The following CELSR1 variants were observed in gnomAD, a reference collection of about 807,000 sequenced individuals.
CELSR1 encodes the protein cadherin EGF LAG seven-pass G-type receptor 1, also known as adhesion G protein-coupled receptor C1.
CELSR1 carries 110 observed loss-of-function variants against 249.1 expected under a neutral mutation model. That is an observed-to-expected ratio of 0.44 (90% CI 0.38 to 0.52). The LOEUF (loss-of-function observed/expected upper bound fraction) is 0.52. Ranked by LOEUF, CELSR1 falls within the 20% of genes least tolerant of loss-of-function variation. The probability of loss-of-function intolerance (pLI) is 0.00; values close to 1 mark genes in which losing one functional copy is unlikely to be tolerated. For missense variants in CELSR1, 4,109 were observed against 4,296.4 expected, an observed-to-expected ratio of 0.96 and a Z score of 1.22; for synonymous variants, 2,113 against 1,900.0, an observed-to-expected ratio of 1.11 and a Z score of -2.92.
chr22:46,456,743 C>T lies in CELSR1; in HGVS notation c.4183+6964G>A, dbSNP rs375531875. On this transcript the variant is annotated intron_variant, in intron 2 of 34. Transcript: ENST00000674500. ...TGACGTACACATTTTACAACAGAAT[C>T]GCAGAAGGGCTAGAATTTATTTTTA... is the stretch of plus-strand genomic sequence containing the variant. 1.2e-3 allele frequency among the ~76,000 whole-genome samples: 176 copies of T among 150,464 alleles called. 1 individual carries two copies. The highest frequency in any genetic ancestry group is 3.7e-3 in the African/African-American group (153 of 40,928).
rs772494529 is a variant in CELSR1 at position 46,521,484 on chromosome 22, G to A, written c.3544+12143C>T. ...CGCGCCACTGCACTCCAGCCTGGGC[G>A]ACAGAGCAAGACTCCATCTCAAAAA... On this transcript the variant is annotated intron_variant, in intron 1 of 34. Coordinates refer to ENST00000674500, the MANE Select transcript of CELSR1 (RefSeq NM_001378328.1). Among the ~76,000 whole-genome samples, 947 of 142,706 alleles carry A rather than the reference G, an allele frequency of 6.6e-3. 6 individuals carry two copies. The highest frequency in any genetic ancestry group is 0.012 in the Non-Finnish European group (771 of 65,332). The allele number at this position is 142,706 out of a possible 152,430, so 93.6% of individuals were successfully genotyped here. A position where few individuals can be genotyped will look rare whatever the true frequency, so the allele number is the denominator to read the frequency against.
Position 46,364,099 on chromosome 22 carries a change from T to C in CELSR1, c.8932A>G (p.Ile2978Val). The C allele has an allele frequency of 9.9e-6, 16 of 1,612,284 alleles. No homozygotes were observed. The highest frequency in any genetic ancestry group is 1.4e-5 in the Non-Finnish European group (16 of 1,179,654). Residue 2978 changes from isoleucine (I) to valine (V), a missense_variant, in exon 34 of 35, where the codon ATC becomes GTC. Around this residue, in one of 7 missense-constraint regions of CELSR1, gnomAD observed 1,805 missense variants for 1,831.6 expected, o/e 0.99. Transcript: ENST00000674500. ...TCCCTCCCAGGGCTCTTGACTGTGATGGCGCAGTCGGGGCCGCCAGAGCCC... is the reference window on the plus strand; with the variant it reads ...TCCCTCCCAGGGCTCTTGACTGTGACGGCGCAGTCGGGGCCGCCAGAGCCC... ...SLGSGGPDCAITVKSPGREPG... is the reference protein window; with the variant it reads ...SLGSGGPDCAVTVKSPGREPG...
Position 46,364,171 on chromosome 22 carries a change from G to C in CELSR1, c.8860C>G (p.Leu2954Val), listed in dbSNP as rs1343162483. 2.5e-6 allele frequency: 4 copies of C among 1,612,234 alleles called. No individual in the cohort carries two copies. The highest frequency in any genetic ancestry group is 1.7e-5 in the Admixed American group (1 of 59,990). ...QTLKGRLREK[L>V]ADCEQSPTSS... ...GTGGGGCTCTGCTCACAGTCGGCCA[G>C]CTTCTCCCGGAGCCGGCCCTTCAGC... is the stretch of plus-strand genomic sequence containing the variant. Residue 2954 changes from leucine (L) to valine (V), a missense_variant, in exon 34 of 35, where the codon CTG (leucine) becomes GTG (valine). Around this residue, in one of 7 missense-constraint regions of CELSR1, gnomAD observed 1,805 missense variants for 1,831.6 expected, o/e 0.99. Coordinates refer to ENST00000674500, the MANE Select transcript of CELSR1 (RefSeq NM_001378328.1).
intron 1 of CELSR1, among the ~76,000 whole-genome samples, chr22:46,483,279 C>T (rs1431159947): frequency 6.6e-6 from 1 of 151,268 alleles, no homozygotes; most frequent in Non-Finnish European, 1.5e-5. Context: ...AATGATGAGA[C>T]ATTAATTAAC....
Position 46,369,643 on chromosome 22 carries a change from C to T in CELSR1, c.7872+49G>A, listed in dbSNP as rs2078828507. On this transcript the variant is annotated intron_variant, in intron 26 of 34. Coordinates refer to ENST00000674500, the MANE Select transcript of CELSR1 (RefSeq NM_001378328.1). The stretch of plus-strand genomic sequence containing the variant: ...AGCCAACCCAGAACAGCCCTTCCAG[C>T]TCATGCATGTTTGGGGCACCCGGAC... 2.6e-6 allele frequency: 4 copies of T among 1,551,708 alleles called. No homozygotes were observed. The Admixed American group carries it at 5.1e-5, about 20-fold the overall frequency.
chr22:46,375,201 G>C (rs187945226), intron 24 of CELSR1, among the ~76,000 whole-genome samples: 2 of 152,270 alleles, frequency 1.3e-5, no homozygotes, highest in Non-Finnish European at 2.9e-5. Context: ...TCCCTTCCCA[G>C]GGCCGGTCCA....
intron 2 of CELSR1, among the ~76,000 whole-genome samples, chr22:46,456,541 T>C (rs554202481): frequency 1.3e-5 from 2 of 151,644 alleles, no homozygotes; most frequent in East Asian, 3.9e-4. Flanking sequence ...TGGGCACCTG[T>C]AGTCCCAGCT....
At position 46,389,413 on chromosome 22, in the gene CELSR1, G is replaced by C; in HGVS notation, c.6432C>G (p.His2144Gln). 6.2e-7 allele frequency: 1 copy of C among 1,612,666 alleles called. No homozygotes were observed. The highest frequency in any genetic ancestry group is 8.5e-7 in the Non-Finnish European group (1 of 1,179,982). ...CGTCATTGCCAAAGAGCGTGCCCGT[G>C]TGCTGTGTAGCACTGCGCAGCGCCC... ...LVRALRSATQHTGTLFGNDVR... is the reference protein window; with the variant it reads ...LVRALRSATQQTGTLFGNDVR... The change falls in exon 18 of 35, where the codon CAC becomes CAG. Residue 2144 changes from histidine to glutamine, a missense_variant. Physicochemically the swap from His to Gln is conservative, Grantham distance 24 (BLOSUM62 0). Around this residue, in one of 7 missense-constraint regions of CELSR1, gnomAD observed 1,805 missense variants for 1,831.6 expected, o/e 0.99. Transcript: ENST00000674500.
chr22:46,493,112 T>A (rs5768834), intron 1 of CELSR1, among the ~76,000 whole-genome samples: 2 of 151,652 alleles, frequency 1.3e-5, no homozygotes, highest in African/African-American at 2.4e-5. Flanking sequence ...TAGCCAGGCA[T>A]GGTGGCTCAC....
intron 2 of CELSR1, among the ~76,000 whole-genome samples, chr22:46,450,173 C>T (rs993255242): frequency 1.3e-5 from 2 of 152,248 alleles, no homozygotes; most frequent in South Asian, 4.1e-4. Context: ...AGTCAGGACC[C>T]TGCCTCTTCC....
rs2078873372 is a variant in CELSR1, at chr22:46,373,049, G to A, written c.7593C>T (p.Cys2531=). Residue 2531 remains cysteine, a synonymous_variant, in exon 25 of 35, where the codon TGC becomes TGT. Transcript: ENST00000674500. ...GINQTENPFL[C]TVVAILLHYI... ...AGTGGAGGAGGATGGCAACCACTGT[G>A]CACAGAAACTGCGCAGGGAGGGGCC... 1.9e-6 allele frequency: 3 copies of A among 1,605,778 alleles called. No individual in the cohort carries two copies. The highest frequency in any genetic ancestry group is 2.2e-5 in the East Asian group (1 of 44,694).
Position 46,430,389 on chromosome 22 carries a change from G to A in CELSR1, c.4611+3004C>T, listed in dbSNP as rs2079581221. 6.6e-6 allele frequency among the ~76,000 whole-genome samples: 1 copy of A among 152,160 alleles called. No individual in the cohort carries two copies. Among genetic ancestry groups the A allele is most frequent in the African/African-American group, 2.4e-5 (1 of 41,436 alleles). ...CAAGGACACAGCTGGGCGGGGCAGG[G>A]GGGATGACCGTCTGCATCAGCCAAG... On this transcript the variant is annotated intron_variant, in intron 5 of 34. Transcript: ENST00000674500. This position sits in a 1 kb window ranked among gnomAD's most constrained non-coding sequence, Gnocchi z 4.6.
rs933087175 is a variant in CELSR1 at position 46,363,629 on chromosome 22, C to T, written c.9035+367G>A. 2.8e-6 allele frequency: 1 copy of T among 361,356 alleles called. No individual in the cohort carries two copies. The highest frequency in any genetic ancestry group is 5.0e-6 in the Non-Finnish European group (1 of 198,036). 22.4% of individuals were successfully genotyped at this position (361,356 alleles called of 1,614,324 possible). A position where few individuals can be genotyped will look rare whatever the true frequency, so the allele number is the denominator to read the frequency against. On this transcript the variant is annotated intron_variant, in intron 34 of 34. Transcript: ENST00000674500. The surrounding 1 kb of genome is among the most constrained non-coding windows in gnomAD (Gnocchi z 4.3). ...CCCCAGCTCCACCCCGCCCCCTTCACCCCTGGCATTCCGGGACCCTCAGTA... is the reference window on the plus strand; with the variant it reads ...CCCCAGCTCCACCCCGCCCCCTTCATCCCTGGCATTCCGGGACCCTCAGTA...
Position 46,436,116 on chromosome 22 carries a change from A to G in CELSR1, c.4522+58T>C. 2.1e-6 allele frequency: 3 copies of G among 1,433,706 alleles called. No homozygotes were observed. Among genetic ancestry groups the G allele is most frequent in the Admixed American group, 3.4e-5 (2 of 59,244 alleles). 88.8% of individuals were successfully genotyped at this position (1,433,706 alleles called of 1,614,324 possible). On this transcript the variant is annotated intron_variant, in intron 4 of 34. Transcript: ENST00000674500. This position sits in a 1 kb window ranked among gnomAD's most constrained non-coding sequence, Gnocchi z 5.9. ...CGCTGCACAGGGCGAGGGTCGTTTT[A>G]ACCCACAAAGTATCTGTGAATTGCT... is the stretch of plus-strand genomic sequence containing the variant.
At chr22:46,369,640 C>T in intron 26 of CELSR1, 52 bp downstream of exon 26, 5 of 1,542,620 alleles carry the variant, frequency 3.2e-6, no homozygotes, top group Non-Finnish European at 3.6e-6. Flanking sequence ...ACAGCCCTTC[C>T]AGCTCATGCA....
Position 46,536,445 on chromosome 22 carries a change from G to A in CELSR1, c.726C>T (p.Ser242=). Residue 242 remains serine (S), a synonymous_variant, in exon 1 of 35, where the codon AGC becomes AGT. Coordinates refer to ENST00000674500, the MANE Select transcript of CELSR1 (RefSeq NM_001378328.1). ...RARRGTSGRG[S]LKFPMPNYQV... is the part of the protein sequence containing the mutation. The stretch of plus-strand genomic sequence containing the variant: ...GGTAGTTGGGCATCGGAAACTTCAG[G>A]CTCCCTCTGCCGCTCGTGCCCCGCC... 1.9e-6 allele frequency: 3 copies of A among 1,611,526 alleles called. No individual in the cohort carries two copies. The highest frequency in any genetic ancestry group is 2.5e-6 in the Non-Finnish European group (3 of 1,179,422).
At position 46,406,238 on chromosome 22, in the gene CELSR1, G is replaced by C. The variant is rs926186653; in HGVS notation, c.5226+2758C>G. On this transcript the variant is annotated intron_variant, in intron 9 of 34. Coordinates refer to ENST00000674500, the MANE Select transcript of CELSR1 (RefSeq NM_001378328.1). The surrounding 1 kb of genome is among the most constrained non-coding windows in gnomAD (Gnocchi z 5.4). ...CACCACACAGAAAATACCATCCCCA[G>C]GCAGCACCGCACTTGCCAAGTTTTG... 6.6e-5 allele frequency among the ~76,000 whole-genome samples: 10 copies of C among 152,220 alleles called. No homozygotes were observed. Among genetic ancestry groups the C allele is most frequent in the Non-Finnish European group, 1.5e-4 (10 of 68,048 alleles).
Position 46,468,385 on chromosome 22 carries a change from C to CAAA in CELSR1, c.3545-4043_3545-4041dup, listed in dbSNP as rs34099713. ...TGGGCAACAAAGCAAGACTCTGTCT[C>CAAA]AAAAAAAAAAAAAAATGTGGTCCAT... On this transcript the variant is annotated intron_variant, in intron 1 of 34. Transcript: ENST00000674500. The surrounding 1 kb of genome is among the most constrained non-coding windows in gnomAD (Gnocchi z 4.5). Among the ~76,000 whole-genome samples, 25,799 of 141,394 alleles carry CAAA rather than the reference C, an allele frequency of 0.18. 2,482 individuals carry two copies. The highest frequency in any genetic ancestry group is 0.27 in the Admixed American group (3,794 of 14,094). 92.8% of individuals were successfully genotyped at this position (141,394 alleles called of 152,430 possible).
chr22:46,415,361 G>A (rs528027401), intron 5 of CELSR1, among the ~76,000 whole-genome samples: 1 of 152,136 alleles, frequency 6.6e-6, no homozygotes, highest in East Asian at 1.9e-4. Flanking sequence ...TGATGGCCAG[G>A]CTGGTCTCGA....
Sources: allele counts gnomAD v4.1 joint callset (sites outside exome capture counted in the v4.1 genomes callset), GRCh38; gene constraint gnomAD v4.1.1; regional missense constraint gnomAD v4.1.1; non-coding constraint Gnocchi (gnomAD v3.1); transcripts MANE v1.5; gene names NCBI Gene and HGNC (gene_info 2026-07-23, HGNC 2026-07-21).